PLEKHH1: variants seen among roughly 807,000 people sequenced by gnomAD.
The protein encoded by PLEKHH1 is pleckstrin homology domain-containing family H member 1.
Under a neutral mutation model 160.0 loss-of-function variants are expected in PLEKHH1, and 104 were observed. That is an observed-to-expected ratio of 0.65 (90% confidence interval 0.55 to 0.76). PLEKHH1 has a LOEUF of 0.76. PLEKHH1 is among the 30% of genes least tolerant of loss of function. PLEKHH1 has a pLI of 0.00. For synonymous variants in PLEKHH1, 619 were observed against 678.4 expected (o/e 0.91, Z 1.36); for missense variants, 1,427 against 1,724.1 (o/e 0.83, Z 3.05).
At chr14:67,571,702 A>G (rs1315164382) in intron 9 of PLEKHH1, 50 bp from the exon 10 acceptor site, 1 of 1,590,058 alleles carries the variant, frequency 6.3e-7, no homozygotes, top group African/African-American at 1.3e-5. Context: ...GGGTTGGGAG[A>G]GGACTGTTTT....
Position 67,576,152 on chromosome 14 carries a change from T to C in PLEKHH1, c.2352+147T>C. 1 of 687,248 alleles carries C rather than the reference T, an allele frequency of 1.5e-6. No homozygotes were observed. The highest frequency in any genetic ancestry group is 2.4e-6 in the Non-Finnish European group (1 of 409,564). The allele number at this position is 687,248 out of a possible 1,614,324, so 42.6% of individuals were successfully genotyped here. The stretch of plus-strand genomic sequence containing the variant: ...AATATTCTCTGAATGGGAATATTCC[T>C]TTATACTGAATTTATTCCCAGTGAC... On this transcript the variant is annotated intron_variant, in intron 16 of 28. Transcript: ENST00000329153. This position sits in a 1 kb window ranked among gnomAD's most constrained non-coding sequence, Gnocchi z 4.0.
At chr14:67,560,729 T>C (rs1211087871) in intron 5 of PLEKHH1, among the ~76,000 whole-genome samples, 2 of 107,290 alleles carry the variant, frequency 1.9e-5, no homozygotes, top group African/African-American at 6.4e-5. Flanking sequence ...ACATATATCT[T>C]TTTTTTTTTT....
At position 67,571,869 on chromosome 14, in the gene PLEKHH1, A is replaced by T. The variant is rs2035391827; in HGVS notation, c.1552A>T (p.Ser518Cys). The T allele has an allele frequency of 1.9e-6, 3 of 1,613,284 alleles. No individual in the cohort carries two copies. The highest frequency in any genetic ancestry group is 2.7e-5 in the African/African-American group (2 of 75,026). Residue 518 changes from serine to cysteine, a missense_variant, in exon 10 of 29, where the codon AGC (serine) becomes TGC (cysteine). This residue lies in a region of PLEKHH1 where 831 missense variants were observed against 929.2 expected (regional missense o/e 0.89). Coordinates refer to ENST00000329153, the MANE Select transcript of PLEKHH1 (RefSeq NM_020715.3). ...SVPSSESRKT[S>C]GLGSPRAIKR... ...CCCCTCCTCTGAGTCCAGGAAGACC[A>T]GCGGACTAGGCAGCCCCCGGGCCAT... is the stretch of plus-strand genomic sequence containing the variant.
At chr14:67,570,417 A>T (rs1385093501) in intron 9 of PLEKHH1, 3 of 362,322 alleles carry the variant, frequency 8.3e-6, no homozygotes, top group African/African-American at 2.2e-5. Context: ...ATTTTCATAC[A>T]CATTTTTGTC....
rs141002949 is a variant in PLEKHH1, at chr14:67,552,591, C to T, written c.127-3234C>T. Among the ~76,000 whole-genome samples the T allele has an allele frequency of 6.7e-3, 1,022 of 152,114 alleles. 19 individuals are homozygous for T. The highest frequency in any genetic ancestry group is 0.024 in the African/African-American group (980 of 41,500). ...GACCATCTTGGCTAACACGGTGAAA[C>T]CCCGTCTCTTCTAAAAATATAAAAA... On this transcript the variant is annotated intron_variant, in intron 2 of 28. Transcript: ENST00000329153.
chr14:67,559,723 A>G (rs895775642), intron 5 of PLEKHH1, 32 bp downstream of exon 5: 6 of 1,465,628 alleles, frequency 4.1e-6, no homozygotes, highest in Admixed American at 3.6e-5. Context: ...GAGGCCTGCC[A>G]GAGGCATGGC....
chr14:67,574,461 G>A lies in PLEKHH1; in HGVS notation c.2088+58G>A. On this transcript the variant is annotated intron_variant, in intron 14 of 28. Transcript: ENST00000329153. This position sits in a 1 kb window ranked among gnomAD's most constrained non-coding sequence, Gnocchi z 4.2. Reference sequence around the variant, plus strand: ...TGCCTCCTGCGAATCAGGGGAGCCAGGATTGGGGTGCCGAGGGTGGTGGGT... The same window carrying A: ...TGCCTCCTGCGAATCAGGGGAGCCAAGATTGGGGTGCCGAGGGTGGTGGGT... The A allele has an allele frequency of 7.4e-7, 1 of 1,358,492 alleles. No individual in the cohort carries two copies. Among genetic ancestry groups the A allele is most frequent in the African/African-American group, 1.5e-5 (1 of 68,274 alleles). The allele number at this position is 1,358,492 out of a possible 1,614,324, so 84.2% of individuals were successfully genotyped here.
At chr14:67,564,920 G>C (rs773596497) in intron 7 of PLEKHH1, among the ~76,000 whole-genome samples, 1 of 152,086 alleles carries the variant, frequency 6.6e-6, no homozygotes, top group Non-Finnish European at 1.5e-5. Context: ...CGAACTCCCA[G>C]GCTCAGGTGG....
intron 23 of PLEKHH1, 44 bp downstream of exon 23, chr14:67,581,082 C>T (rs1302781995): frequency 8.1e-7 from 1 of 1,234,484 alleles, no homozygotes; most frequent in South Asian, 1.2e-5. Context: ...CAAGGGCTGC[C>T]ACTGGGTGCC....
intron 7 of PLEKHH1, among the ~76,000 whole-genome samples, chr14:67,568,622 A>G (rs1791847457): frequency 6.6e-6 from 1 of 152,202 alleles, no homozygotes; most frequent in Non-Finnish European, 1.5e-5. Flanking sequence ...ATTTTTTAAA[A>G]AAAGAAACAA....
chr14:67,569,747 C>G (rs2273594), intron 8 of PLEKHH1, 174 bp from the exon 9 acceptor site: 246,538 of 612,600 alleles, frequency 0.4, 51,312 homozygotes, highest in Non-Finnish European at 0.43. Flanking sequence ...ACATGGAGAT[C>G]ATGGTCCCCA....
At chr14:67,558,056 G>A (rs1017429284) in intron 4 of PLEKHH1, among the ~76,000 whole-genome samples, 1 of 152,188 alleles carries the variant, frequency 6.6e-6, no homozygotes, top group African/African-American at 2.4e-5. Flanking sequence ...AGAGGCCACT[G>A]CCCAGCATTT....
At chr14:67,577,051 C>A (rs1422181665) in intron 17 of PLEKHH1, among the ~76,000 whole-genome samples, 1 of 152,192 alleles carries the variant, frequency 6.6e-6, no homozygotes, top group East Asian at 1.9e-4. Context: ...TCCACCTGCA[C>A]TCAGACACCC....
chr14:67,565,461 TCTCAAACTCCTGGC>T (rs2035046222), intron 7 of PLEKHH1, among the ~76,000 whole-genome samples: 1 of 152,066 alleles, frequency 6.6e-6, no homozygotes, highest in Non-Finnish European at 1.5e-5. Flanking sequence ...CCCAGGCTAG[TCTCAAACTCCTGGC>T]CTCAAGTGAT....
chr14:67,568,444 G>A (rs891508631), intron 7 of PLEKHH1, among the ~76,000 whole-genome samples: 5 of 152,100 alleles, frequency 3.3e-5, no homozygotes, highest in African/African-American at 9.7e-5. Context: ...GGGCCTGTCA[G>A]TGGATGGTGG....
chr14:67,541,727 C>T, intron 1 of PLEKHH1, 107 bp from the exon 2 acceptor site: 1 of 725,640 alleles, frequency 1.4e-6, no homozygotes. Context: ...GTTTTCTCTT[C>T]CCCAGCCCTG....
intron 3 of PLEKHH1, 44 bp downstream of exon 3, chr14:67,555,931 C>T (rs766165197): frequency 8.7e-5 from 140 of 1,602,020 alleles, no homozygotes; most frequent in Non-Finnish European, 1.1e-4. Context: ...GGGGAATGAC[C>T]GTCGGCCCTT....
intron 2 of PLEKHH1, among the ~76,000 whole-genome samples, chr14:67,544,710 A>G (rs985066825): frequency 7.2e-5 from 11 of 152,244 alleles, no homozygotes; most frequent in African/African-American, 2.7e-4. Flanking sequence ...TTAATAAGTG[A>G]AAGTGTTTTT....
intron 3 of PLEKHH1, among the ~76,000 whole-genome samples, chr14:67,556,932 G>A (rs979567227): frequency 6.6e-6 from 1 of 152,136 alleles, no homozygotes; most frequent in African/African-American, 2.4e-5. Context: ...CTCCTAGGCT[G>A]TTTGTCCTGC....
Sources: allele counts gnomAD v4.1 joint callset (sites outside exome capture counted in the v4.1 genomes callset), GRCh38; gene constraint gnomAD v4.1.1; regional missense constraint gnomAD v4.1.1; non-coding constraint Gnocchi (gnomAD v3.1); transcripts MANE v1.5; gene names NCBI Gene and HGNC (gene_info 2026-07-23, HGNC 2026-07-21).